Variants in SLA observed in about 807,000 individuals in gnomAD.
SLA encodes src-like-adapter.
Under a neutral mutation model 30.3 loss-of-function variants are expected in SLA, and 16 were observed. The observed-to-expected ratio is 0.53, with a 90% confidence interval of 0.36 to 0.80. The LOEUF (loss-of-function observed/expected upper bound fraction) is 0.80, where lower values mean the gene tolerates loss of function less well. SLA is among the 30% of genes least tolerant of loss of function. The pLI is 0.01. For missense variants in SLA, 310 were observed against 345.2 expected, an observed-to-expected ratio of 0.90 and a Z score of 0.81; for synonymous variants, 143 against 137.8, an observed-to-expected ratio of 1.04 and a Z score of -0.26.
At chr8:133,087,108 A>T (rs1026068672) in intron 1 of SLA, among the ~76,000 whole-genome samples, 6 of 147,782 alleles carry the variant, frequency 4.1e-5, no homozygotes, top group Non-Finnish European at 7.5e-5. Context: ...ACACACACAC[A>T]CACACACACA....
intron 2 of SLA, chr8:133,073,263 T>C (rs1175540366): frequency 6.6e-6 from 1 of 152,194 alleles, no homozygotes; most frequent in Admixed American, 6.5e-5. Context: ...CTGTTTAAGA[T>C]GAAGGAATCT....
intron 3 of SLA, among the ~76,000 whole-genome samples, chr8:133,053,979 G>A (rs1840897500): frequency 6.6e-6 from 1 of 152,146 alleles, no homozygotes; most frequent in Non-Finnish European, 1.5e-5. Flanking sequence ...AGCCAAACGG[G>A]ACAAAGTCAC....
At chr8:133,096,475 T>G in intron 1 of SLA, 1 of 1,372,808 alleles carries the variant, frequency 7.3e-7, no homozygotes, top group East Asian at 2.3e-5. Context: ...AATTGCTGAG[T>G]AACTACTGTG....
At chr8:133,065,335 C>G (rs1564141762) in intron 2 of SLA, among the ~76,000 whole-genome samples, 1 of 152,254 alleles carries the variant, frequency 6.6e-6, no homozygotes, top group Non-Finnish European at 1.5e-5. Context: ...AGAGCTAAAG[C>G]TGGGATTCCA....
chr8:133,076,692 A>T (rs997506067), intron 1 of SLA: 1 of 145,514 alleles, frequency 6.9e-6, no homozygotes, highest in Non-Finnish European at 1.5e-5. Context: ...CTCTGAATTT[A>T]TTCCCTGTCA....
At chr8:133,084,587 A>G (rs762577535) in intron 1 of SLA, among the ~76,000 whole-genome samples, 4 of 152,240 alleles carry the variant, frequency 2.6e-5, no homozygotes, top group Admixed American at 6.5e-5. Context: ...GACAGAGGCA[A>G]TTAGGCTTCA....
chr8:133,057,090 C>T (rs945496957), intron 3 of SLA, among the ~76,000 whole-genome samples: 7 of 152,070 alleles, frequency 4.6e-5, no homozygotes, highest in South Asian at 2.1e-4. Flanking sequence ...GAGCCCCACC[C>T]GCCCCCTTCT....
chr8:133,039,968 C>T (rs1837882474), intron 8 of SLA, 30 bp downstream of exon 8: 1 of 1,527,986 alleles, frequency 6.5e-7, no homozygotes, highest in Non-Finnish European at 8.8e-7. Flanking sequence ...CACACACACA[C>T]ACACACACAC....
intron 2 of SLA, chr8:133,072,941 A>G (rs1844295470): frequency 6.6e-6 from 1 of 152,226 alleles, no homozygotes; most frequent in South Asian, 2.1e-4. Context: ...ATCATATTTA[A>G]CACTGTTTAT....
At chr8:133,056,074 C>A (rs990558034) in intron 3 of SLA, among the ~76,000 whole-genome samples, 1 of 152,148 alleles carries the variant, frequency 6.6e-6, no homozygotes, top group African/African-American at 2.4e-5. Flanking sequence ...ACCAGGTCTC[C>A]CTGGGCAGGG....
At chr8:133,058,091 C>T (rs1346725301) in intron 3 of SLA, among the ~76,000 whole-genome samples, 1 of 152,210 alleles carries the variant, frequency 6.6e-6, no homozygotes, top group Admixed American at 6.5e-5. Context: ...AGCTGAGTAG[C>T]AGCTCATTCC....
chr8:133,096,877 A>T (rs1348202289), intron 1 of SLA, among the ~76,000 whole-genome samples: 1 of 152,230 alleles, frequency 6.6e-6, no homozygotes, highest in Non-Finnish European at 1.5e-5. Context: ...GGCTTGCTGG[A>T]GGCACAGTGA....
At chr8:133,041,362 G>A (rs140285940) in intron 7 of SLA, among the ~76,000 whole-genome samples, 5 of 152,328 alleles carry the variant, frequency 3.3e-5, no homozygotes, top group Non-Finnish European at 5.9e-5. Context: ...GTCACAGGGC[G>A]GGCAAGCCAG....
intron 2 of SLA, chr8:133,063,547 A>T (rs907757893): frequency 6.6e-6 from 1 of 151,304 alleles, no homozygotes; most frequent in Non-Finnish European, 1.5e-5. Context: ...TTGAGATTGG[A>T]GAAATGAGGT....
At chr8:133,038,886 T>C (rs1837597587) in intron 8 of SLA, 149 bp from the exon 9 acceptor site, 2 of 600,114 alleles carry the variant, frequency 3.3e-6, no homozygotes, top group South Asian at 4.3e-5. Flanking sequence ...TATTTTTCTT[T>C]ATTTATTTTA....
At chr8:133,077,063 G>A (rs1319628415) in intron 1 of SLA, among the ~76,000 whole-genome samples, 1 of 152,194 alleles carries the variant, frequency 6.6e-6, no homozygotes, top group Non-Finnish European at 1.5e-5. Flanking sequence ...TGCACAGGTG[G>A]CCAGTCGTGG....
intron 7 of SLA, among the ~76,000 whole-genome samples, chr8:133,043,628 T>C (rs1018830006): frequency 2.0e-5 from 3 of 152,204 alleles, no homozygotes; most frequent in Admixed American, 2.0e-4. Flanking sequence ...TAGCTGACCT[T>C]GCCCAAGGCC....
chr8:133,049,970 T>G lies in SLA; in HGVS notation c.180A>C (p.Lys60Asn). The G allele has an allele frequency of 1.2e-6, 2 of 1,613,098 alleles. No individual in the cohort carries two copies. The highest frequency in any genetic ancestry group is 1.7e-6 in the Non-Finnish European group (2 of 1,179,058). Residue 60 changes from lysine to asparagine, a missense_variant, in exon 5 of 9, where the codon AAA (lysine) becomes AAC (asparagine). Physicochemically the swap from Lys to Asn is moderately conservative, Grantham distance 94. Transcript: ENST00000338087. ...RVISDEGGWW[K>N]AISLSTGRES... ...CTCGACCAGTGCTAAGAGAAATAGC[T>G]TTCCACCAGCCCCCTTCACTGTAAG... is the stretch of plus-strand genomic sequence containing the variant.
intron 1 of SLA, chr8:133,094,901 A>T: frequency 9.2e-7 from 1 of 1,083,140 alleles, no homozygotes. Context: ...TTATCTTCCC[A>T]TTGTGTGCAG....
Sources: allele counts gnomAD v4.1 joint callset (sites outside exome capture counted in the v4.1 genomes callset), GRCh38; gene constraint gnomAD v4.1.1; transcripts MANE v1.5; gene names NCBI Gene and HGNC (gene_info 2026-07-23, HGNC 2026-07-21).